HAT1: variants seen among roughly 807,000 people sequenced by gnomAD.
HAT1 encodes histone acetyltransferase 1.
A neutral mutation model predicts 56.6 loss-of-function variants in HAT1; 20 were observed. The ratio of observed to expected loss-of-function variants is 0.35; its 90% CI spans 0.25 to 0.51. HAT1 has a LOEUF of 0.51. Among genes scored for constraint, HAT1 ranks in the 20% least tolerant of loss-of-function variants. HAT1 has a pLI of 0.95. For synonymous variants in HAT1, 146 were observed against 165.5 expected (o/e 0.88, Z 0.91); for missense variants, 408 against 504.3 (o/e 0.81, Z 1.83).
intron 2 of HAT1, among the ~76,000 whole-genome samples, chr2:171,945,064 T>A (rs937427803): frequency 6.6e-5 from 10 of 152,098 alleles, no homozygotes; most frequent in Admixed American, 6.6e-4. Flanking sequence ...AGAGATGGCA[T>A]TTCACCATAT....
chr2:171,926,144 G>A (rs1036816292), intron 2 of HAT1, among the ~76,000 whole-genome samples: 19 of 150,822 alleles, frequency 1.3e-4, no homozygotes, highest in African/African-American at 3.7e-4. Flanking sequence ...GACAAGGAAG[G>A]TCTCACTCTA....
intron 4 of HAT1, among the ~76,000 whole-genome samples, chr2:171,953,337 C>A (rs1054116078): frequency 2.0e-5 from 3 of 151,890 alleles, no homozygotes; most frequent in Non-Finnish European, 4.4e-5. Flanking sequence ...CAGAGCTAGA[C>A]CCTGTCTCAA....
chr2:171,965,904 C>G lies in HAT1; in HGVS notation c.607C>G (p.Leu203Val), dbSNP rs766247676. The G allele has an allele frequency of 1.9e-6, 3 of 1,612,840 alleles. No homozygotes were observed. Among genetic ancestry groups the G allele is most frequent in the African/African-American group, 1.3e-5 (1 of 75,012 alleles). The change falls in exon 6 of 11, where the codon CTA (leucine) becomes GTA (valine). Residue 203 changes from leucine (L) to valine (V), a missense_variant. Coordinates refer to ENST00000264108, the MANE Select transcript of HAT1 (RefSeq NM_003642.4). ...DVDDERWHYFLVFEKYNKDGA... is the reference protein window; with the variant it reads ...DVDDERWHYFVVFEKYNKDGA... The stretch of plus-strand genomic sequence containing the variant: ...GGATGATGAAAGATGGCACTACTTT[C>G]TAGTGTAAGTACAGTTCTAAAGCAA...
chr2:171,947,187 T>C (rs1232079561), intron 3 of HAT1, among the ~76,000 whole-genome samples: 3 of 152,174 alleles, frequency 2.0e-5, no homozygotes, highest in African/African-American at 7.2e-5. Context: ...CCCCTAAAGC[T>C]GTAATAGAAA....
chr2:171,944,050 G>A (rs1366509178), intron 2 of HAT1, among the ~76,000 whole-genome samples: 2 of 152,016 alleles, frequency 1.3e-5, no homozygotes, highest in Non-Finnish European at 1.5e-5. Context: ...AAAGGCTGAG[G>A]CGGGAAGATC....
At chr2:171,926,166 G>A (rs1234998457) in intron 2 of HAT1, among the ~76,000 whole-genome samples, 3 of 151,734 alleles carry the variant, frequency 2.0e-5, no homozygotes, top group Admixed American at 6.6e-5. Flanking sequence ...CACCCAGGCT[G>A]TAGTGCCACG....
chr2:171,941,426 T>TG (rs1367409399), intron 2 of HAT1, among the ~76,000 whole-genome samples: 2 of 152,176 alleles, frequency 1.3e-5, no homozygotes, highest in African/African-American at 4.8e-5. Context: ...TTGGCCAGGC[T>TG]GGGCTGATAG....
At chr2:171,954,702 A>G (rs2105326827) in intron 4 of HAT1, among the ~76,000 whole-genome samples, 1 of 152,318 alleles carries the variant, frequency 6.6e-6, no homozygotes, top group African/African-American at 2.4e-5. Context: ...AGAGAGAGAG[A>G]TGAGTATGCA....
At chr2:171,954,223 A>G (rs1687385757) in intron 4 of HAT1, among the ~76,000 whole-genome samples, 1 of 152,168 alleles carries the variant, frequency 6.6e-6, no homozygotes. Flanking sequence ...GGAAATAGCT[A>G]AATTTTCCAC....
At chr2:171,972,974 T>G (rs1038680960) in intron 8 of HAT1, among the ~76,000 whole-genome samples, 3 of 152,226 alleles carry the variant, frequency 2.0e-5, no homozygotes, top group Non-Finnish European at 4.4e-5. Context: ...TTTCTGGTTA[T>G]CTATGGCATC....
chr2:171,931,229 A>G (rs12467010), intron 2 of HAT1, among the ~76,000 whole-genome samples: 27,919 of 151,440 alleles, frequency 0.18, 3,747 homozygotes, highest in African/African-American at 0.37. Context: ...CATCTCTACA[A>G]AAAATACAAG....
intron 8 of HAT1, among the ~76,000 whole-genome samples, chr2:171,970,682 G>A (rs1462357860): frequency 2.0e-5 from 3 of 149,704 alleles, no homozygotes; most frequent in Non-Finnish European, 3.0e-5. Flanking sequence ...ACCATGCCCG[G>A]CTAATTTTTG....
At chr2:171,959,984 G>A (rs1316369934) in intron 4 of HAT1, among the ~76,000 whole-genome samples, 1 of 152,162 alleles carries the variant, frequency 6.6e-6, no homozygotes, top group Non-Finnish European at 1.5e-5. Context: ...TCATTGTGGT[G>A]ATGGAGAGAG....
chr2:171,946,141 C>T lies in HAT1; in HGVS notation c.113-567C>T, dbSNP rs112298492. Among the ~76,000 whole-genome samples the T allele has an allele frequency of 1.7e-3, 264 of 152,268 alleles. 2 individuals are homozygous for T. The highest frequency in any genetic ancestry group is 3.2e-3 in the Non-Finnish European group (215 of 68,028). ...TTTATACAAATATTTCAGTACTCTC[C>T]CCCTAGTTTTCTGCTGCCAGGAATT... On this transcript the variant is annotated intron_variant, in intron 2 of 10. Transcript: ENST00000264108.
At chr2:171,963,935 A>G (rs1056476420) in intron 4 of HAT1, among the ~76,000 whole-genome samples, 1 of 152,222 alleles carries the variant, frequency 6.6e-6, no homozygotes, top group Non-Finnish European at 1.5e-5. Context: ...ACTGTTGGGC[A>G]AAATGCTGAA....
intron 2 of HAT1, among the ~76,000 whole-genome samples, chr2:171,930,935 T>A (rs1022239537): frequency 1.3e-5 from 2 of 151,960 alleles, no homozygotes; most frequent in African/African-American, 4.8e-5. Context: ...TTTTTTTAGA[T>A]GTAGATTATT....
chr2:171,959,348 C>T (rs1457844811), intron 4 of HAT1, among the ~76,000 whole-genome samples: 3 of 152,150 alleles, frequency 2.0e-5, no homozygotes, highest in African/African-American at 7.2e-5. Context: ...TTGTTTTTTA[C>T]AGTTGCAGCT....
intron 3 of HAT1, among the ~76,000 whole-genome samples, chr2:171,950,935 G>A (rs548823965): frequency 1.3e-5 from 2 of 152,144 alleles, no homozygotes; most frequent in South Asian, 2.1e-4. Flanking sequence ...TCAGCCTCCC[G>A]AGTCGCTGGG....
At chr2:171,923,600 A>G (rs1686501640) in intron 1 of HAT1, 1 of 152,178 alleles carries the variant, frequency 6.6e-6, no homozygotes, top group Non-Finnish European at 1.5e-5. Flanking sequence ...ATCTCTTTAC[A>G]GGGCATTCCT....
Sources: gnomAD v4.1 joint callset for allele counts (sites outside exome capture counted in the v4.1 genomes callset) on GRCh38, gnomAD v4.1.1 for gene constraint, MANE v1.5 for transcripts, NCBI Gene and HGNC (gene_info 2026-07-23, HGNC 2026-07-21) for gene names.